The following PSD3 variants were observed in gnomAD, a reference collection of about 807,000 sequenced individuals.
PSD3 encodes the protein pleckstrin and Sec7 domain containing 3.
PSD3 carries 49 observed loss-of-function variants against 105.5 expected under a neutral mutation model. That is an observed-to-expected ratio of 0.46 (90% CI 0.37 to 0.59). The LOEUF is 0.59. PSD3 is among the 20% of genes least tolerant of loss of function. PSD3 has a pLI of 0.00. For synonymous variants in PSD3, 557 were observed against 457.8 expected (o/e 1.22, Z -2.77); for missense variants, 1,561 against 1,263.8 (o/e 1.24, Z -3.57).
At chr8:18,774,573 G>T in intron 8 of PSD3, 7 of 331,152 alleles carry the variant, frequency 2.1e-5, no homozygotes, top group South Asian at 5.5e-5. Flanking sequence ...TACTTCTGTC[G>T]TTGGTACAGC....
chr8:19,077,535 C>A (rs1011056002), intron 1 of PSD3, among the ~76,000 whole-genome samples: 5 of 152,146 alleles, frequency 3.3e-5, no homozygotes, highest in African/African-American at 1.2e-4. Flanking sequence ...ATGTAGCCGT[C>A]ATTCTGTCAT....
At position 18,828,062 on chromosome 8, in the gene PSD3, TATA is replaced by T. The variant is rs1378892383; in HGVS notation, c.1635-23167_1635-23165del. On this transcript the variant is annotated intron_variant, in intron 4 of 15. Transcript: ENST00000327040. ...ATATATATATGTATATATATATATATATATATTTTTTTTTTTTTACAAAAAAAA... is the reference window on the plus strand; with the variant it reads ...ATATATATATGTATATATATATATATTATTTTTTTTTTTTTACAAAAAAAA... 5.3e-5 allele frequency among the ~76,000 whole-genome samples: 6 copies of T among 112,430 alleles called. 1 individual carries two copies. The highest frequency in any genetic ancestry group is 2.2e-4 in the African/African-American group (6 of 26,864). 73.8% of individuals were successfully genotyped at this position (112,430 alleles called of 152,430 possible). A position where few individuals can be genotyped will look rare whatever the true frequency, so the allele number is the denominator to read the frequency against.
intron 6 of PSD3, 85 bp from the exon 7 acceptor site, chr8:18,801,467 C>T (rs754880378): frequency 7.2e-5 from 52 of 722,434 alleles, no homozygotes; most frequent in Non-Finnish European, 5.9e-5. Flanking sequence ...TTTATATAAA[C>T]CTAAGATATT....
chr8:18,721,511 G>A (rs369736968), intron 9 of PSD3, among the ~76,000 whole-genome samples: 1 of 152,144 alleles, frequency 6.6e-6, no homozygotes, highest in Non-Finnish European at 1.5e-5. Context: ...AAAGATTGAC[G>A]TTTATTGAGA....
chr8:19,071,202 G>A (rs1409198205), intron 1 of PSD3, among the ~76,000 whole-genome samples: 1 of 152,022 alleles, frequency 6.6e-6, no homozygotes, highest in African/African-American at 2.4e-5. Context: ...TGGGATTACA[G>A]GTGTGCACCA....
At chr8:18,678,969 G>C (rs868820278) in intron 9 of PSD3, among the ~76,000 whole-genome samples, 1 of 69,468 alleles carries the variant, frequency 1.4e-5, no homozygotes, top group Admixed American at 1.5e-4. Context: ...TCAGCTAAAG[G>C]ATGAATTTAT....
chr8:18,650,288 C>T (rs758645625), intron 10 of PSD3, among the ~76,000 whole-genome samples: 2 of 151,780 alleles, frequency 1.3e-5, no homozygotes, highest in Non-Finnish European at 2.9e-5. Flanking sequence ...CCTACGCCAT[C>T]CCAATCACAA....
At chr8:18,814,480 C>G (rs935421467) in intron 4 of PSD3, among the ~76,000 whole-genome samples, 1 of 152,176 alleles carries the variant, frequency 6.6e-6, no homozygotes, top group Non-Finnish European at 1.5e-5. Context: ...CAGGTTTTCA[C>G]TTTTTGTTTT....
At chr8:18,946,673 G>T (rs147333550) in intron 1 of PSD3, among the ~76,000 whole-genome samples, 2,117 of 152,168 alleles carry the variant, frequency 0.014, 61 homozygotes, top group African/African-American at 0.049. Context: ...GCCGAGGTGG[G>T]TGGATCACCT....
intron 1 of PSD3, among the ~76,000 whole-genome samples, chr8:19,071,549 G>T (rs529679253): frequency 1.1e-4 from 16 of 152,274 alleles, no homozygotes; most frequent in Middle Eastern, 3.4e-3. Context: ...GGGAGAGAGG[G>T]CCTTGGCTTG....
At chr8:18,667,460 T>C (rs980594624) in intron 9 of PSD3, among the ~76,000 whole-genome samples, 22 of 152,118 alleles carry the variant, frequency 1.4e-4, no homozygotes, top group Non-Finnish European at 2.9e-4. Context: ...ATGAAGATTC[T>C]CCAAGTCCCC....
intron 1 of PSD3, among the ~76,000 whole-genome samples, chr8:18,953,911 C>A (rs1294867721): frequency 2.0e-5 from 3 of 151,952 alleles, no homozygotes; most frequent in Non-Finnish European, 4.4e-5. Flanking sequence ...ACTTAAGACA[C>A]ACATATATAC....
chr8:18,936,265 A>C, intron 1 of PSD3, 123 bp from the exon 2 acceptor site: 1 of 634,808 alleles, frequency 1.6e-6, no homozygotes, highest in Non-Finnish European at 2.8e-6. Flanking sequence ...AAGCTATCTA[A>C]CCATTCAAAA....
chr8:19,068,764 A>G (rs1166780584), intron 1 of PSD3, among the ~76,000 whole-genome samples: 3 of 148,964 alleles, frequency 2.0e-5, no homozygotes, highest in South Asian at 4.2e-4. Flanking sequence ...GTTTAATTAA[A>G]AAAAAAAAAA....
chr8:18,757,118 C>T (rs899369100), intron 9 of PSD3, among the ~76,000 whole-genome samples: 1 of 149,382 alleles, frequency 6.7e-6, no homozygotes, highest in African/African-American at 2.5e-5. Context: ...TTTACTCTGC[C>T]ACACAGCCTT....
chr8:18,744,490 T>G (rs1183146328), intron 9 of PSD3, among the ~76,000 whole-genome samples: 1 of 152,232 alleles, frequency 6.6e-6, no homozygotes, highest in Admixed American at 6.5e-5. Flanking sequence ...CCTTCACTGA[T>G]CGAGATTTGT....
At chr8:18,673,069 G>A (rs1028857154) in intron 9 of PSD3, among the ~76,000 whole-genome samples, 1 of 151,914 alleles carries the variant, frequency 6.6e-6, no homozygotes, top group African/African-American at 2.4e-5. Flanking sequence ...CTTCACCTCT[G>A]ATTCTTGCTG....
chr8:18,664,397 C>T (rs764269408), intron 9 of PSD3, among the ~76,000 whole-genome samples: 11 of 152,222 alleles, frequency 7.2e-5, no homozygotes, highest in Admixed American at 4.6e-4. Flanking sequence ...CTAGCCACAA[C>T]ATTCCCTTAA....
chr8:18,714,707 T>C (rs930818896), intron 9 of PSD3, among the ~76,000 whole-genome samples: 2 of 152,334 alleles, frequency 1.3e-5, no homozygotes, highest in East Asian at 1.9e-4. Flanking sequence ...TCAACCATTG[T>C]AGAAGACAGT....
Sources: allele counts gnomAD v4.1 joint callset (sites outside exome capture counted in the v4.1 genomes callset), GRCh38; gene constraint gnomAD v4.1.1; transcripts MANE v1.5; gene names NCBI Gene and HGNC (gene_info 2026-07-23, HGNC 2026-07-21).